The following PCCB variants were observed in gnomAD, a reference collection of about 807,000 sequenced individuals.
The protein encoded by PCCB is propionyl-CoA carboxylase beta chain, mitochondrial.
A neutral mutation model predicts 60.7 loss-of-function variants in PCCB; 43 were observed. The ratio of observed to expected loss-of-function variants is 0.71; its 90% CI spans 0.55 to 0.91. The LOEUF is 0.91. Ranked by LOEUF, PCCB falls within the 40% of genes least tolerant of loss-of-function variation. The pLI is 0.00. For synonymous variants in PCCB, 276 were observed against 255.9 expected, an observed-to-expected ratio of 1.08 and a Z score of -0.75; for missense variants, 766 against 702.8, an observed-to-expected ratio of 1.09 and a Z score of -1.02.
intron 5 of PCCB, among the ~76,000 whole-genome samples, chr3:136,269,632 T>A (rs1284707948): frequency 6.6e-6 from 1 of 152,014 alleles, no homozygotes; most frequent in Non-Finnish European, 1.5e-5. Context: ...ACGCCTGTGA[T>A]CCCAGCACTT....
intron 10 of PCCB, among the ~76,000 whole-genome samples, chr3:136,323,349 C>T (rs1935176272): frequency 6.6e-6 from 1 of 152,124 alleles, no homozygotes; most frequent in Non-Finnish European, 1.5e-5. Flanking sequence ...CTTTCTTCTG[C>T]CTGCTCAAAT....
chr3:136,264,440 G>GTGTATAGATATATATATATATATA, intron 5 of PCCB, among the ~76,000 whole-genome samples: 1 of 123,782 alleles, frequency 8.1e-6, no homozygotes, highest in African/African-American at 3.0e-5. Context: ...ATGTGTGTGT[G>GTGTATAGATATATATATATATATA]TATATATGTA....
intron 10 of PCCB, among the ~76,000 whole-genome samples, chr3:136,324,489 T>C (rs555706796): frequency 6.6e-6 from 1 of 152,328 alleles, no homozygotes; most frequent in African/African-American, 2.4e-5. Context: ...ATTTCCCCTC[T>C]CAGATCTTTT....
rs543654479 is a variant in PCCB at position 136,290,358 on chromosome 3, G to A, written c.655-3398G>A. ...TTAAATATTTCATTCCACTCTCTTC[G>A]TTCTTGCATGGTTTCTAAGAAAAAT... On this transcript the variant is annotated intron_variant, in intron 6 of 14. Coordinates refer to ENST00000251654, the MANE Select transcript of PCCB (RefSeq NM_000532.5). 5.3e-5 allele frequency among the ~76,000 whole-genome samples: 8 copies of A among 152,036 alleles called. No homozygotes were observed. In the South Asian group the frequency reaches 6.2e-4, roughly 12 times the overall value.
chr3:136,253,499 G>T (rs764055544), intron 1 of PCCB, among the ~76,000 whole-genome samples: 1 of 150,168 alleles, frequency 6.7e-6, no homozygotes, highest in Non-Finnish European at 1.5e-5. Context: ...ATTCTCCTGC[G>T]TTAGCCTCTT....
intron 6 of PCCB, among the ~76,000 whole-genome samples, chr3:136,286,999 C>T (rs1412222411): frequency 1.3e-5 from 2 of 151,364 alleles, no homozygotes; most frequent in African/African-American, 4.9e-5. Flanking sequence ...CCACTGCACT[C>T]CAGCCTGGGT....
intron 6 of PCCB, 43 bp from the exon 7 acceptor site, chr3:136,293,713 C>T: frequency 8.2e-7 from 1 of 1,219,220 alleles, no homozygotes; most frequent in African/African-American, 1.5e-5. Flanking sequence ...GTGACCAGCT[C>T]TGGTGCTCTG....
At chr3:136,259,062 A>T (rs78787340) in intron 3 of PCCB, 4 of 957,422 alleles carry the variant, frequency 4.2e-6, no homozygotes, top group Non-Finnish European at 5.5e-6. Flanking sequence ...AGGGGGTTTT[A>T]GGAGAGGTTA....
intron 9 of PCCB, among the ~76,000 whole-genome samples, chr3:136,301,747 T>C (rs1934292823): frequency 1.3e-5 from 2 of 152,148 alleles, no homozygotes; most frequent in Admixed American, 6.5e-5. Flanking sequence ...CCCTCTTCCC[T>C]AGGGTTTGCT....
intron 10 of PCCB, among the ~76,000 whole-genome samples, chr3:136,319,586 CGGGGTTTCGCCATG>C (rs2108229529): frequency 6.6e-6 from 1 of 152,102 alleles, no homozygotes; most frequent in South Asian, 2.1e-4. Flanking sequence ...TTAGTAGAGA[CGGGGTTTCGCCATG>C]TTGGCCAGGC....
In PCCB at chr3:136,328,854, C is replaced by T. The variant is rs202247820; in HGVS notation, c.1495C>T (p.Arg499Ter). The change falls in exon 14 of 15, where the codon CGA becomes TGA. Residue 499 changes from arginine (R) to a stop codon, truncating the protein, a stop_gained. Transcript: ENST00000251654. LOFTEE classifies it high-confidence loss of function. ...KFANPFPAAV[R>*]GFVDDIIQPS... is the part of the protein sequence containing the mutation. ...TGCCAACCCTTTCCCTGCAGCAGTG[C>T]GAGGTAGGGGACTGTGGTGAAGAGG... 24 of 1,609,876 alleles carry T rather than the reference C, an allele frequency of 1.5e-5. No homozygotes were observed. The highest frequency in any genetic ancestry group is 1.9e-5 in the Non-Finnish European group (22 of 1,176,218).
chr3:136,326,370 C>T (rs917655275), intron 10 of PCCB: 6 of 702,714 alleles, frequency 8.5e-6, no homozygotes, highest in Admixed American at 4.0e-5. Context: ...GAGGCAGTAT[C>T]GTCCCTACTT....
Position 136,321,146 on chromosome 3 carries a change from G to A in PCCB, c.1090+4082G>A, listed in dbSNP as rs57657007. On this transcript the variant is annotated intron_variant, in intron 10 of 14. Coordinates refer to ENST00000251654, the MANE Select transcript of PCCB (RefSeq NM_000532.5). ...GATTTTCTTATGTTGAACTGCCTTTGCATTCCTGGAATAAATCCCACTGGA... is the reference window on the plus strand; with the variant it reads ...GATTTTCTTATGTTGAACTGCCTTTACATTCCTGGAATAAATCCCACTGGA... Among the ~76,000 whole-genome samples the A allele has an allele frequency of 7.2e-3, 1,102 of 152,160 alleles. 17 individuals carry two copies. Among genetic ancestry groups the A allele is most frequent in the African/African-American group, 0.025 (1,048 of 41,510 alleles).
rs1419362188 is a variant in PCCB, at chr3:136,305,385, C to T, written c.966+4274C>T. Among the ~76,000 whole-genome samples, 7 of 121,902 alleles carry T rather than the reference C, an allele frequency of 5.7e-5. 3 individuals are homozygous for T. In the Admixed American group the frequency reaches 6.8e-4, roughly 12 times the overall value. The allele number at this position is 121,902 out of a possible 152,430, so 80.0% of individuals were successfully genotyped here. On this transcript the variant is annotated intron_variant, in intron 9 of 14. Coordinates refer to ENST00000251654, the MANE Select transcript of PCCB (RefSeq NM_000532.5). ...GGCATTAGAGGTGTAAGCCACTGCA[C>T]CTAGACCATATATTTACTTTTAACT...
chr3:136,258,750 C>G (rs1166494264), intron 3 of PCCB, among the ~76,000 whole-genome samples: 1 of 152,052 alleles, frequency 6.6e-6, no homozygotes, highest in East Asian at 1.9e-4. Flanking sequence ...CTTTAGAGAA[C>G]AAACATTCTC....
At position 136,250,917 on chromosome 3, in the gene PCCB, A is replaced by G. The variant is rs142088909; in HGVS notation, c.183+359A>G. Among the ~76,000 whole-genome samples, 92 of 152,348 alleles carry G rather than the reference A, an allele frequency of 6.0e-4. No individual in the cohort carries two copies. In the East Asian group the frequency reaches 0.018, roughly 29 times the overall value. The stretch of plus-strand genomic sequence containing the variant: ...GTTAGACCATAGATAGCAAAATGAT[A>G]GGCGCTCAGTAAAAACCATGTGCTT... On this transcript the variant is annotated intron_variant, in intron 1 of 14. Coordinates refer to ENST00000251654, the MANE Select transcript of PCCB (RefSeq NM_000532.5).
chr3:136,252,463 T>C (rs1941543605), intron 1 of PCCB: 5 of 376,676 alleles, frequency 1.3e-5, no homozygotes, highest in South Asian at 1.9e-5. Context: ...GCCAGGCTGG[T>C]CTTGAACTCC....
chr3:136,258,769 C>CAAGG lies in PCCB; in HGVS notation c.373-1709_373-1706dup, dbSNP rs543285584. ...AGAGAACAAACATTCTCTGTCCTCT[C>CAAGG]AAGGTGAAGGAGAGGCCCTGTGGGG... is the stretch of plus-strand genomic sequence containing the variant. On this transcript the variant is annotated intron_variant, in intron 3 of 14. Coordinates refer to ENST00000251654, the MANE Select transcript of PCCB (RefSeq NM_000532.5). Among the ~76,000 whole-genome samples, 6 of 152,174 alleles carry CAAGG rather than the reference C, an allele frequency of 3.9e-5. No homozygotes were observed. The South Asian group carries it at 1.2e-3, about 32-fold the overall frequency.
intron 9 of PCCB, among the ~76,000 whole-genome samples, chr3:136,303,881 GGT>G (rs1934370641): frequency 8.1e-6 from 1 of 122,808 alleles, no homozygotes; most frequent in Non-Finnish European, 1.8e-5. Flanking sequence ...TGGGATTACA[GGT>G]GTGAGCCACC....
Sources: gnomAD v4.1 joint callset for allele counts (sites outside exome capture counted in the v4.1 genomes callset) on GRCh38, gnomAD v4.1.1 for gene constraint, MANE v1.5 for transcripts, NCBI Gene and HGNC (gene_info 2026-07-23, HGNC 2026-07-21) for gene names.